The following RFX3 variants were observed in gnomAD, a reference collection of about 807,000 sequenced individuals.
RFX3 encodes regulatory factor X3, also known as transcription factor RFX3.
In RFX3, 14 loss-of-function variants were observed where a neutral mutation model predicts 98.6. That is an observed-to-expected ratio of 0.14 (90% CI 0.09 to 0.22). RFX3 has a LOEUF of 0.22. RFX3 is among the 10% of genes least tolerant of loss of function. The probability of loss-of-function intolerance (pLI) is 1.00; values close to 1 mark genes in which losing one functional copy is unlikely to be tolerated. For missense variants in RFX3, 639 were observed against 926.9 expected (o/e 0.69, Z 4.03); for synonymous variants, 383 against 328.4 (o/e 1.17, Z -1.80).
intron 6 of RFX3, among the ~76,000 whole-genome samples, chr9:3,290,460 T>G (rs1316542974): frequency 6.6e-6 from 1 of 152,076 alleles, no homozygotes; most frequent in East Asian, 1.9e-4. Context: ...ATACAGCTAT[T>G]AGAATGTTGA....
chr9:3,414,072 G>A (rs573347203), intron 1 of RFX3, among the ~76,000 whole-genome samples: 19 of 152,118 alleles, frequency 1.2e-4, no homozygotes, highest in African/African-American at 4.1e-4. Flanking sequence ...CAACAACCTT[G>A]TGTGAAAATT....
chr9:3,334,259 T>C (rs1832910534), intron 3 of RFX3, among the ~76,000 whole-genome samples: 1 of 152,098 alleles, frequency 6.6e-6, no homozygotes, highest in Non-Finnish European at 1.5e-5. Context: ...TTCTCCATTA[T>C]TACCCAGAAT....
intron 1 of RFX3, among the ~76,000 whole-genome samples, chr9:3,519,928 T>C (rs544864173): frequency 6.7e-6 from 1 of 149,646 alleles, no homozygotes; most frequent in Non-Finnish European, 1.5e-5. Flanking sequence ...CAAGACCCTG[T>C]CTCTACAAAA....
intron 1 of RFX3, among the ~76,000 whole-genome samples, chr9:3,396,188 C>T (rs978455718): frequency 1.3e-5 from 2 of 152,130 alleles, no homozygotes; most frequent in South Asian, 2.1e-4. Context: ...ATGCCTCCCC[C>T]CTCCCCTCCA....
Position 3,463,212 on chromosome 9 carries a change from A to C in RFX3, c.-9+62535T>G, listed in dbSNP as rs571658302. 1.5e-3 allele frequency among the ~76,000 whole-genome samples: 222 copies of C among 152,302 alleles called. 1 individual carries two copies. The highest frequency in any genetic ancestry group is 5.1e-3 in the African/African-American group (210 of 41,580). Reference sequence around the variant, plus strand: ...GTAATTAAAAAATGGAATGGGAATAAACCCACACATATATATGGTCAACTG... The same window carrying C: ...GTAATTAAAAAATGGAATGGGAATACACCCACACATATATATGGTCAACTG... On this transcript the variant is annotated intron_variant, in intron 1 of 16. Transcript: ENST00000617270.
chr9:3,512,241 A>C (rs919921716), intron 1 of RFX3, among the ~76,000 whole-genome samples: 8 of 152,064 alleles, frequency 5.3e-5, no homozygotes, highest in Non-Finnish European at 1.0e-4. Flanking sequence ...AACACAAAGT[A>C]AAGAATGATT....
At chr9:3,421,022 A>C (rs1364349316) in intron 1 of RFX3, 1 of 476,180 alleles carries the variant, frequency 2.1e-6, no homozygotes, top group East Asian at 1.5e-4. Context: ...TATGTGCCAA[A>C]AAAAAAAAAA....
chr9:3,345,923 C>T (rs1043867589), intron 3 of RFX3, among the ~76,000 whole-genome samples: 13 of 152,060 alleles, frequency 8.5e-5, no homozygotes, highest in Non-Finnish European at 1.9e-4. Flanking sequence ...CTGGAGTATA[C>T]CAACACTGAT....
chr9:3,424,551 G>T (rs1484948154), intron 1 of RFX3, among the ~76,000 whole-genome samples: 1 of 151,148 alleles, frequency 6.6e-6, no homozygotes, highest in East Asian at 2.0e-4. Flanking sequence ...TAGTAGAGAC[G>T]GGGCTTCACC....
chr9:3,371,134 T>G (rs902633544), intron 2 of RFX3, among the ~76,000 whole-genome samples: 3 of 152,192 alleles, frequency 2.0e-5, no homozygotes, highest in Non-Finnish European at 4.4e-5. Flanking sequence ...TATTATTAGT[T>G]GCTATCAAGG....
intron 1 of RFX3, among the ~76,000 whole-genome samples, chr9:3,463,856 C>T (rs556099315): frequency 6.6e-6 from 1 of 152,118 alleles, no homozygotes; most frequent in Admixed American, 6.5e-5. Flanking sequence ...CGCCTACGGT[C>T]CCAGCTCCTC....
At chr9:3,291,089 G>T (rs1827267828) in intron 6 of RFX3, among the ~76,000 whole-genome samples, 1 of 152,242 alleles carries the variant, frequency 6.6e-6, no homozygotes, top group Non-Finnish European at 1.5e-5. Flanking sequence ...GCTGGGCTGG[G>T]TGCGGTGGCT....
intron 13 of RFX3, among the ~76,000 whole-genome samples, chr9:3,261,646 C>A (rs1294187869): frequency 6.6e-6 from 1 of 152,162 alleles, no homozygotes; most frequent in South Asian, 2.1e-4. Context: ...GATTTCATTT[C>A]TCTTGGGTAT....
chr9:3,383,020 G>A (rs1001919595), intron 2 of RFX3, among the ~76,000 whole-genome samples: 2 of 151,886 alleles, frequency 1.3e-5, no homozygotes, highest in Admixed American at 6.6e-5. Flanking sequence ...ATTTCAGATT[G>A]GCAAAGTTAT....
chr9:3,234,742 C>CCA (rs1449590762), intron 15 of RFX3, among the ~76,000 whole-genome samples: 3 of 152,140 alleles, frequency 2.0e-5, no homozygotes, highest in Non-Finnish European at 4.4e-5. Context: ...GGCCTGTGGA[C>CCA]CACTGTTTGC....
chr9:3,374,846 C>A (rs1055139344), intron 2 of RFX3, among the ~76,000 whole-genome samples: 1 of 116,650 alleles, frequency 8.6e-6, no homozygotes, highest in African/African-American at 3.4e-5. Flanking sequence ...TGTATTTTAC[C>A]ATAATTTTTA....
chr9:3,297,209 C>A (rs144034562), intron 5 of RFX3, among the ~76,000 whole-genome samples: 2 of 151,814 alleles, frequency 1.3e-5, no homozygotes, highest in African/African-American at 4.8e-5. Flanking sequence ...TAATTTAGAA[C>A]GAAACAATTA....
At chr9:3,455,069 A>G (rs971314748) in intron 1 of RFX3, among the ~76,000 whole-genome samples, 1 of 152,140 alleles carries the variant, frequency 6.6e-6, no homozygotes, top group Admixed American at 6.5e-5. Flanking sequence ...GTTTTACCAA[A>G]TCCTCTCTAG....
chr9:3,246,703 G>C (rs753120144), intron 15 of RFX3, among the ~76,000 whole-genome samples: 28 of 152,320 alleles, frequency 1.8e-4, no homozygotes, highest in Non-Finnish European at 3.4e-4. Context: ...AAGAGGCAAT[G>C]AGGGGAAGTC....
Sources: allele counts gnomAD v4.1 joint callset (sites outside exome capture counted in the v4.1 genomes callset), GRCh38; gene constraint gnomAD v4.1.1; transcripts MANE v1.5; gene names NCBI Gene and HGNC (gene_info 2026-07-23, HGNC 2026-07-21).